The following SEC16A variants were observed in gnomAD, a reference collection of about 807,000 sequenced individuals.
SEC16A encodes the protein SEC16 homolog A, endoplasmic reticulum export factor.
In SEC16A, 110 loss-of-function variants were observed where a neutral mutation model predicts 221.9. That is an observed-to-expected ratio of 0.50 (90% CI 0.42 to 0.58). The LOEUF (loss-of-function observed/expected upper bound fraction) is 0.58. Ranked by LOEUF, SEC16A falls within the 20% of genes least tolerant of loss-of-function variation. The probability of loss-of-function intolerance (pLI) is 0.00; values close to 1 mark genes in which losing one functional copy is unlikely to be tolerated. For synonymous variants in SEC16A, 1,393 were observed against 1,257.7 expected, an observed-to-expected ratio of 1.11 and a Z score of -2.28; for missense variants, 3,165 against 3,097.8, an observed-to-expected ratio of 1.02 and a Z score of -0.52.
At position 136,441,261 on chromosome 9, in the gene SEC16A, G is replaced by A; in HGVS notation, c.*494C>T. ...TCAGCCAGGTTCAAACACGGCGAGG[G>A]CCCAGATGGTGCAGAGCAGGGGTTG... On this transcript the variant is annotated 3_prime_UTR_variant, in exon 32 of 32. Coordinates refer to ENST00000684901, the MANE Select transcript of SEC16A (RefSeq NM_014866.2). 1 of 161,966 alleles carries A rather than the reference G, an allele frequency of 6.2e-6. No individual in the cohort carries two copies. The highest frequency in any genetic ancestry group is 1.4e-5 in the Non-Finnish European group (1 of 73,022). 10.0% of individuals were successfully genotyped at this position (161,966 alleles called of 1,614,324 possible). A position where few individuals can be genotyped will look rare whatever the true frequency, so the allele number is the denominator to read the frequency against.
chr9:136,476,430 C>T lies in SEC16A; in HGVS notation c.1186G>A (p.Gly396Ser), dbSNP rs778204075. 18 of 1,613,068 alleles carry T rather than the reference C, an allele frequency of 1.1e-5. No homozygotes were observed. The highest frequency in any genetic ancestry group is 1.5e-5 in the Non-Finnish European group (18 of 1,179,842). The change falls in exon 3 of 32, where the codon GGT becomes AGT. Residue 396 changes from glycine (G) to serine (S), a missense_variant. Gly to Ser is a moderately conservative substitution (Grantham distance 56). Transcript: ENST00000684901. The stretch of plus-strand genomic sequence containing the variant: ...CAGAAATCGTCAAAGTCCGCTTGAC[C>T]AGATAAGCCTGCTTTTTCAGATGAG... The part of the protein sequence containing the change: ...NLSSEKAGLS[G>S]QADFDDFCSS...
At chr9:136,448,264 A>G in intron 23 of SEC16A, 103 bp from the exon 24 acceptor site, 2 of 891,436 alleles carry the variant, frequency 2.2e-6, no homozygotes, top group Non-Finnish European at 3.7e-6. Flanking sequence ...GTGAGGCCCC[A>G]GAGTCGCCAG....
rs1838576428 is a variant in SEC16A, at chr9:136,455,851, C to T, written c.5665-58G>A. The T allele has an allele frequency of 4.0e-6, 6 of 1,485,538 alleles. No homozygotes were observed. In the South Asian group the frequency reaches 5.2e-5, roughly 13 times the overall value. The allele number at this position is 1,485,538 out of a possible 1,614,324, so 92.0% of individuals were successfully genotyped here. On this transcript the variant is annotated intron_variant, in intron 19 of 31. Coordinates refer to ENST00000684901, the MANE Select transcript of SEC16A (RefSeq NM_014866.2). ...CGCCTGTGGCCGCTCTGCAGCGCTG[C>T]CCGCCTGCCACCACCGCGCTTGCTG...
intron 23 of SEC16A, among the ~76,000 whole-genome samples, chr9:136,449,800 AGC>A (rs1458048404): frequency 8.5e-5 from 13 of 152,234 alleles, no homozygotes; most frequent in African/African-American, 3.1e-4. Context: ...TTTATCTCAG[AGC>A]TCACACAAAT....
At position 136,477,425 on chromosome 9, in the gene SEC16A, C is replaced by T. The variant is rs377167903; in HGVS notation, c.191G>A (p.Ser64Asn). The T allele has an allele frequency of 6.4e-5, 103 of 1,613,912 alleles. No homozygotes were observed. The highest frequency in any genetic ancestry group is 8.3e-5 in the Admixed American group (5 of 60,008). The change falls in exon 3 of 32, where the codon AGT becomes AAT. Residue 64 changes from serine to asparagine, a missense_variant. By Grantham distance (46) the Ser-to-Asn change is conservative. Transcript: ENST00000684901. ...TTTGGACGAACTGCCCAGTGGTGTA[C>T]TTTGGAGCGCCTGTCTACTAAAAGC... is the stretch of plus-strand genomic sequence containing the variant. ...PFAFSRQALQSTPLGSSSKSS... is the reference protein window; with the variant it reads ...PFAFSRQALQNTPLGSSSKSS...
chr9:136,471,941 G>A (rs749848179), intron 4 of SEC16A, 34 bp downstream of exon 4: 5 of 1,608,016 alleles, frequency 3.1e-6, no homozygotes, highest in Middle Eastern at 1.7e-4. Flanking sequence ...GTCTGAGTAG[G>A]ACAGAGAGGC....
chr9:136,475,613 G>C lies in SEC16A; in HGVS notation c.2003C>G (p.Thr668Ser), dbSNP rs1162782891. The C allele has an allele frequency of 1.9e-5, 30 of 1,613,712 alleles. No individual in the cohort carries two copies. Among genetic ancestry groups the C allele is most frequent in the Non-Finnish European group, 2.5e-5 (29 of 1,179,850 alleles). ...GGGACAGACCTGGGGTGCACAGAGG[G>C]TCTCCATGTTGTCTGGTGGCTGCTC... ...NLEQPPDNME[T>S]LCAPQVCPLP... The change falls in exon 3 of 32, where the codon ACC becomes AGC. Residue 668 changes from threonine (T) to serine (S), a missense_variant. Transcript: ENST00000684901. The surrounding 1 kb of genome is among the most constrained non-coding windows in gnomAD (Gnocchi z 5.0).
At chr9:136,483,454 G>A (rs1296499622), upstream of SEC16A, 3 of 749,034 alleles carry the variant, frequency 4.0e-6, no homozygotes, top group African/African-American at 2.6e-5. Flanking sequence ...CCGCCCCTCG[G>A]CCGTCCTTCC....
At chr9:136,465,162 G>T (rs1053903732) in intron 8 of SEC16A, among the ~76,000 whole-genome samples, 3 of 151,064 alleles carry the variant, frequency 2.0e-5, no homozygotes, top group African/African-American at 7.3e-5. Flanking sequence ...AATACTTTAA[G>T]AAAGTAAGGC....
In SEC16A at chr9:136,476,934, G is replaced by C. The variant is rs542191614; in HGVS notation, c.682C>G (p.His228Asp). ...VQGGPQPSGQ[H>D]RSPCPEGPVP... ...GGTCCTTCAGGGCAGGGTGAACGAT[G>C]TTGCCCCGAGGGCTGTGGGCCTCCC... The change falls in exon 3 of 32, where the codon CAT (histidine) becomes GAT (aspartate). Residue 228 changes from histidine to aspartate, a missense_variant. This residue lies in a region of SEC16A where 2,030 missense variants were observed against 1,923.1 expected (regional missense o/e 1.06). Coordinates refer to ENST00000684901, the MANE Select transcript of SEC16A (RefSeq NM_014866.2). The C allele has an allele frequency of 3.1e-6, 5 of 1,612,236 alleles. No homozygotes were observed. In the South Asian group the frequency reaches 5.5e-5, roughly 18 times the overall value.
In SEC16A at chr9:136,476,056, G is replaced by T. The variant is rs781291898; in HGVS notation, c.1560C>A (p.Ser520Arg). The change falls in exon 3 of 32, where the codon AGC (serine) becomes AGA (arginine). Residue 520 changes from serine (S) to arginine (R), a missense_variant. This residue lies in a region of SEC16A where 2,030 missense variants were observed against 1,923.1 expected (regional missense o/e 1.06). Coordinates refer to ENST00000684901, the MANE Select transcript of SEC16A (RefSeq NM_014866.2). ...TTCTGCTGCTATAGCTGGATGACACGCTGTCAGGGTGCACTGTATGCAGTG... is the reference window on the plus strand; with the variant it reads ...TTCTGCTGCTATAGCTGGATGACACTCTGTCAGGGTGCACTGTATGCAGTG... ...DATLHTVHPD[S>R]VSSSYSSRSH... 1 of 1,613,426 alleles carries T rather than the reference G, an allele frequency of 6.2e-7. No individual in the cohort carries two copies. Among genetic ancestry groups the T allele is most frequent in the African/African-American group, 1.3e-5 (1 of 74,906 alleles).
intron 1 of SEC16A, among the ~76,000 whole-genome samples, chr9:136,482,083 G>A (rs1842447066): frequency 6.6e-6 from 1 of 152,120 alleles, no homozygotes; most frequent in Non-Finnish European, 1.5e-5. Context: ...AACAGTAAAC[G>A]AGGAACAAGG....
chr9:136,463,244 C>G, intron 11 of SEC16A, 112 bp from the exon 12 acceptor site: 1 of 1,459,720 alleles, frequency 6.9e-7, no homozygotes. Flanking sequence ...CACAACTACC[C>G]GAAAGGCTGG....
chr9:136,457,881 C>A (rs545542255), intron 17 of SEC16A, among the ~76,000 whole-genome samples: 3 of 152,244 alleles, frequency 2.0e-5, no homozygotes, highest in Non-Finnish European at 4.4e-5. Flanking sequence ...ACAGTCACAA[C>A]GCCCCAAGAG....
chr9:136,470,113 C>T lies in SEC16A; in HGVS notation c.3705-1601G>A, dbSNP rs1227637901. On this transcript the variant is annotated intron_variant, in intron 4 of 31. Coordinates refer to ENST00000684901, the MANE Select transcript of SEC16A (RefSeq NM_014866.2). ...GTTGAGTCCATGCCACGCACAAGCA[C>T]GGAGGCTGAACAAACATGCAAGACG... Among the ~76,000 whole-genome samples, 5 of 152,328 alleles carry T rather than the reference C, an allele frequency of 3.3e-5. No individual in the cohort carries two copies. In the South Asian group the frequency reaches 8.3e-4, roughly 25 times the overall value.
Position 136,477,514 on chromosome 9 carries a change from C to T in SEC16A, c.102G>A (p.Arg34=). Residue 34 remains arginine, a synonymous_variant, in exon 3 of 32, where the codon CGG becomes CGA. Coordinates refer to ENST00000684901, the MANE Select transcript of SEC16A (RefSeq NM_014866.2). ...GAGCCACTGCTGCATTATTATTAGC[C>T]CGTCTCCTGTAAGGGCTGCTAGCCC... The part of the protein sequence containing the change: ...VFWASSPYRR[R]ANNNAAVAPT... 6.2e-7 allele frequency: 1 copy of T among 1,613,840 alleles called. No individual in the cohort carries two copies. Among genetic ancestry groups the T allele is most frequent in the South Asian group, 1.1e-5 (1 of 91,070 alleles).
At chr9:136,463,351 C>T in intron 11 of SEC16A, 112 bp downstream of exon 11, 3 of 1,410,664 alleles carry the variant, frequency 2.1e-6, no homozygotes, top group Non-Finnish European at 9.7e-7. Flanking sequence ...GCCCTCGAGG[C>T]TCCCATAGCT....
chr9:136,441,948 AGGCTTC>A, intron 31 of SEC16A, 125 bp from the exon 32 acceptor site: 1 of 812,958 alleles, frequency 1.2e-6, no homozygotes, highest in Non-Finnish European at 2.0e-6. Flanking sequence ...GACAAGCTGA[AGGCTTC>A]GTTTTTGTTT....
At chr9:136,453,764 G>A (rs1331915102) in intron 21 of SEC16A, among the ~76,000 whole-genome samples, 3 of 152,158 alleles carry the variant, frequency 2.0e-5, no homozygotes, top group Non-Finnish European at 4.4e-5. Context: ...CCACCAAATC[G>A]AGTTCCAGAC....
Sources: allele counts gnomAD v4.1 joint callset (sites outside exome capture counted in the v4.1 genomes callset), GRCh38; gene constraint gnomAD v4.1.1; regional missense constraint gnomAD v4.1.1; non-coding constraint Gnocchi (gnomAD v3.1); transcripts MANE v1.5; gene names NCBI Gene and HGNC (gene_info 2026-07-23, HGNC 2026-07-21).